Variants in UBA6 observed in about 807,000 individuals in gnomAD.
The protein encoded by UBA6 is ubiquitin-like modifier-activating enzyme 6.
Under a neutral mutation model 148.3 loss-of-function variants are expected in UBA6, and 87 were observed. The observed-to-expected ratio is 0.59, with a 90% CI of 0.49 to 0.70. The LOEUF is 0.70. Among genes scored for constraint, UBA6 ranks in the 30% least tolerant of loss-of-function variants. UBA6 has a pLI of 0.00. For missense variants in UBA6, 1,186 were observed against 1,241.2 expected (o/e 0.96, Z 0.67); for synonymous variants, 376 against 401.0 (o/e 0.94, Z 0.75).
intron 12 of UBA6, chr4:67,662,484 T>G (rs573973516): frequency 2.7e-4 from 110 of 406,596 alleles, no homozygotes; most frequent in Non-Finnish European, 4.1e-4. Flanking sequence ...TTTTTTTTTT[T>G]TTGAGACAGT....
chr4:67,660,860 G>A (rs907906975), intron 13 of UBA6, among the ~76,000 whole-genome samples: 4 of 152,192 alleles, frequency 2.6e-5, no homozygotes, highest in African/African-American at 9.6e-5. Context: ...TAACCACAGG[G>A]TGAAGCTGCC....
At chr4:67,641,364 C>G in intron 17 of UBA6, 136 bp from the exon 18 acceptor site, 3 of 565,728 alleles carry the variant, frequency 5.3e-6, no homozygotes, top group Non-Finnish European at 9.3e-6. Context: ...ATGATACAAA[C>G]ATTCCCAAAT....
Position 67,673,794 on chromosome 4 carries a change from A to T in UBA6, c.466-17T>A. 1 of 1,560,864 alleles carries T rather than the reference A, an allele frequency of 6.4e-7. No homozygotes were observed. Among genetic ancestry groups the T allele is most frequent in the Non-Finnish European group, 8.8e-7 (1 of 1,142,406 alleles). The stretch of plus-strand genomic sequence containing the variant: ...TACTACACACTGTTGAGAAAACAAC[A>T]AATTAAAAACTAGAAAATACATAAT... On this transcript the variant is annotated splice_polypyrimidine_tract_variant and intron_variant, in intron 6 of 32. Transcript: ENST00000322244.
At chr4:67,649,031 C>T (rs371294558) in intron 14 of UBA6, 37 bp downstream of exon 14, 19 of 1,594,824 alleles carry the variant, frequency 1.2e-5, no homozygotes, top group South Asian at 2.3e-5. Flanking sequence ...TTCCATTTCA[C>T]GAGTAAAGAA....
In UBA6 at chr4:67,613,551, A is replaced by C. The variant is rs1245222942; in HGVS notation, c.*5446T>G. The C allele has an allele frequency of 6.6e-6, 1 of 152,362 alleles. No individual in the cohort carries two copies. The highest frequency in any genetic ancestry group is 1.9e-4 in the East Asian group (1 of 5,190). 9.4% of individuals were successfully genotyped at this position (152,362 alleles called of 1,614,324 possible). The stretch of plus-strand genomic sequence containing the variant: ...AAATACAAGGGGCTGAGAATAACCA[A>C]GATACTCTAAAAGAACAATAAGTTG... On this transcript the variant is annotated 3_prime_UTR_variant, in exon 33 of 33. Transcript: ENST00000322244.
Position 67,624,125 on chromosome 4 carries a change from C to T in UBA6, c.2840+1G>A, listed in dbSNP as rs1369454011. ...CAAGAGAAATAGACTTTCATACATACCTGATTTTAGTTTTCCTTACTTCAG... is the reference window on the plus strand; with the variant it reads ...CAAGAGAAATAGACTTTCATACATATCTGATTTTAGTTTTCCTTACTTCAG... On this transcript the variant is annotated splice_donor_variant, in intron 30 of 32. Transcript: ENST00000322244. LOFTEE classifies it high-confidence loss of function. 6.3e-7 allele frequency: 1 copy of T among 1,577,712 alleles called. No homozygotes were observed.
intron 17 of UBA6, among the ~76,000 whole-genome samples, chr4:67,643,713 A>G (rs1729358988): frequency 6.6e-6 from 1 of 152,070 alleles, no homozygotes; most frequent in Admixed American, 6.5e-5. Context: ...AAATGTATAC[A>G]GTAAGTCTGT....
chr4:67,645,596 C>CAAAA (rs199765929), intron 16 of UBA6, among the ~76,000 whole-genome samples: 2 of 133,378 alleles, frequency 1.5e-5, no homozygotes, highest in African/African-American at 5.6e-5. Context: ...GACTTTGTCT[C>CAAAA]AGAAAAAAAA....
At chr4:67,637,086 G>C (rs1262094627) in intron 19 of UBA6, among the ~76,000 whole-genome samples, 1 of 147,254 alleles carries the variant, frequency 6.8e-6, no homozygotes, top group Admixed American at 6.8e-5. Context: ...CTGCCGCCCC[G>C]TCTGAGAAGT....
At chr4:67,670,677 AT>A in intron 7 of UBA6, 85 bp from the exon 8 acceptor site, 1 of 1,047,294 alleles carries the variant, frequency 9.5e-7, no homozygotes, top group Non-Finnish European at 1.4e-6. Flanking sequence ...TAACAATTTA[AT>A]TTATAATTAA....
chr4:67,649,922 T>C (rs183486071), intron 13 of UBA6, among the ~76,000 whole-genome samples: 2 of 152,172 alleles, frequency 1.3e-5, no homozygotes, highest in Non-Finnish European at 2.9e-5. Context: ...TAATTAATCT[T>C]TTGAAATCCT....
rs540433417 is a variant in UBA6, at chr4:67,699,785, T to C, written c.71+1264A>G. ...GCCCAGCTAATTTTTTTGTATTTTG[T>C]AGAGACGCGGTTTCGCCATGTTGCC... is the stretch of plus-strand genomic sequence containing the variant. On this transcript the variant is annotated intron_variant, in intron 1 of 32. Transcript: ENST00000322244. Among the ~76,000 whole-genome samples, 16 of 152,196 alleles carry C rather than the reference T, an allele frequency of 1.1e-4. No homozygotes were observed. The East Asian group carries it at 3.1e-3, about 29-fold the overall frequency.
intron 9 of UBA6, 109 bp downstream of exon 9, chr4:67,668,442 G>C: frequency 2.0e-6 from 2 of 1,018,484 alleles, no homozygotes; most frequent in Non-Finnish European, 2.9e-6. Flanking sequence ...TGAGGCCAAG[G>C]GCTTTGGATC....
intron 13 of UBA6, among the ~76,000 whole-genome samples, chr4:67,658,009 C>T (rs185987014): frequency 2.0e-3 from 305 of 152,222 alleles, no homozygotes; most frequent in Non-Finnish European, 3.2e-3. Flanking sequence ...CATCTCATGC[C>T]AGTTAGAATG....
rs181463531 is a variant in UBA6 at position 67,664,922 on chromosome 4, C to T, written c.897+267G>A. Among the ~76,000 whole-genome samples the T allele has an allele frequency of 3.2e-4, 48 of 152,120 alleles. No homozygotes were observed. In the East Asian group the frequency reaches 6.2e-3, roughly 20 times the overall value. On this transcript the variant is annotated intron_variant, in intron 10 of 32. Coordinates refer to ENST00000322244, the MANE Select transcript of UBA6 (RefSeq NM_018227.6). ...TTGATAATTCACAAAGATACAGTTCCTTTCGGGTATACCCATTTAGCTCAA... is the reference window on the plus strand; with the variant it reads ...TTGATAATTCACAAAGATACAGTTCTTTTCGGGTATACCCATTTAGCTCAA...
At chr4:67,686,073 T>C (rs185268167) in intron 2 of UBA6, among the ~76,000 whole-genome samples, 2 of 152,340 alleles carry the variant, frequency 1.3e-5, no homozygotes, top group African/African-American at 2.4e-5. Context: ...TCCAGCATTG[T>C]TACATTACAG....
At position 67,622,818 on chromosome 4, in the gene UBA6, G is replaced by A; in HGVS notation, c.3023+13C>T. 2 of 1,584,590 alleles carry A rather than the reference G, an allele frequency of 1.3e-6. No homozygotes were observed. The highest frequency in any genetic ancestry group is 8.6e-7 in the Non-Finnish European group (1 of 1,162,120). ...ATTCTTGTTAATCGCTGCATATAAT[G>A]TTGAATACTTACGTTAACTTCAATC... On this transcript the variant is annotated intron_variant, in intron 32 of 32. Transcript: ENST00000322244.
intron 2 of UBA6, among the ~76,000 whole-genome samples, chr4:67,687,269 T>C (rs188515362): frequency 8.9e-4 from 135 of 151,978 alleles, no homozygotes; most frequent in African/African-American, 3.2e-3. Flanking sequence ...CTCCTGACCT[T>C]GTCATCCGCC....
intron 2 of UBA6, among the ~76,000 whole-genome samples, chr4:67,690,192 T>TATAC (rs1730662908): frequency 6.6e-6 from 1 of 152,044 alleles, no homozygotes; most frequent in African/African-American, 2.4e-5. Context: ...GTATGGCCAG[T>TATAC]GTATTCAGAG....
Sources: gnomAD v4.1 joint callset for allele counts (sites outside exome capture counted in the v4.1 genomes callset) on GRCh38, gnomAD v4.1.1 for gene constraint, MANE v1.5 for transcripts, NCBI Gene and HGNC (gene_info 2026-07-23, HGNC 2026-07-21) for gene names.